ZNF384: variants seen among roughly 807,000 people sequenced by gnomAD.
ZNF384 encodes the protein zinc finger protein 384.
ZNF384 carries 20 observed loss-of-function variants against 65.0 expected under a neutral mutation model. The ratio of observed to expected loss-of-function variants is 0.31; its 90% CI spans 0.22 to 0.45. ZNF384 has a LOEUF of 0.45. Ranked by LOEUF, ZNF384 falls within the 20% of genes least tolerant of loss-of-function variation. The pLI is 1.00. For synonymous variants in ZNF384, 310 were observed against 303.9 expected (o/e 1.02, Z -0.21); for missense variants, 549 against 769.4 (o/e 0.71, Z 3.39).
rs1163698093 is a variant in ZNF384 at position 6,672,705 on chromosome 12, T to C, written c.1005-173A>G. Among the ~76,000 whole-genome samples the C allele has an allele frequency of 1.3e-5, 2 of 152,058 alleles. No homozygotes were observed. The highest frequency in any genetic ancestry group is 2.4e-5 in the African/African-American group (1 of 41,414). The stretch of plus-strand genomic sequence containing the variant: ...AATGAAGAGGACACCCAGATCTAGG[T>C]TGTTGCTGATCGTAAGTCGGTGGCT... On this transcript the variant is annotated intron_variant, in intron 8 of 11. Transcript: ENST00000683879. This position sits in a 1 kb window ranked among gnomAD's most constrained non-coding sequence, Gnocchi z 4.4.
At chr12:6,681,494 T>C (rs1363346760) in intron 2 of ZNF384, among the ~76,000 whole-genome samples, 1 of 152,166 alleles carries the variant, frequency 6.6e-6, no homozygotes, top group Non-Finnish European at 1.5e-5. Context: ...TACACAGTAT[T>C]ACCAGGCTGC....
intron 3 of ZNF384, 24 bp from the exon 4 acceptor site, chr12:6,679,207 G>A: frequency 6.5e-7 from 1 of 1,544,758 alleles, no homozygotes; most frequent in Non-Finnish European, 8.8e-7. Flanking sequence ...AAGGGGACGG[G>A]AGCACCCTCT....
Position 6,672,555 on chromosome 12 carries a change from A to AG in ZNF384, c.1005-24dup, listed in dbSNP as rs1303044165. 4 of 1,610,432 alleles carry AG rather than the reference A, an allele frequency of 2.5e-6. No homozygotes were observed. The highest frequency in any genetic ancestry group is 3.4e-6 in the Non-Finnish European group (4 of 1,177,654). The stretch of plus-strand genomic sequence containing the variant: ...ATCCTGCCGGAGAGGAGAGGAGGGA[A>AG]GGGGGGAGGAGGAAGCAGTTCGACA... On this transcript the variant is annotated intron_variant, in intron 8 of 11. Coordinates refer to ENST00000683879, the MANE Select transcript of ZNF384 (RefSeq NM_001385745.1). The surrounding 1 kb of genome is among the most constrained non-coding windows in gnomAD (Gnocchi z 4.4).
chr12:6,687,476 C>T (rs968082604), intron 2 of ZNF384, among the ~76,000 whole-genome samples: 3 of 152,114 alleles, frequency 2.0e-5, no homozygotes, highest in Non-Finnish European at 4.4e-5. Flanking sequence ...GCTCAGAAAC[C>T]CACAGGGCAT....
Position 6,671,658 on chromosome 12 carries a change from G to C in ZNF384, c.1187+692C>G, listed in dbSNP as rs999993456. On this transcript the variant is annotated intron_variant, in intron 9 of 11. Coordinates refer to ENST00000683879, the MANE Select transcript of ZNF384 (RefSeq NM_001385745.1). The stretch of plus-strand genomic sequence containing the variant: ...TCATCACATCCACAAGAAGCCGGGT[G>C]AGACGGTCTATGGCCTGTAAGTCTG... 5.3e-5 allele frequency: 8 copies of C among 152,340 alleles called. No individual in the cohort carries two copies. The East Asian group carries it at 1.3e-3, about 26-fold the overall frequency. The allele number at this position is 152,340 out of a possible 1,614,324, so 9.4% of individuals were successfully genotyped here. A position where few individuals can be genotyped will look rare whatever the true frequency, so the allele number is the denominator to read the frequency against.
intron 2 of ZNF384, among the ~76,000 whole-genome samples, chr12:6,684,283 A>G (rs566827342): frequency 1.6e-4 from 24 of 152,334 alleles, no homozygotes; most frequent in African/African-American, 5.3e-4. Context: ...AAAACCATAT[A>G]ACTGTAGTAC....
chr12:6,669,246 T>G, intron 10 of ZNF384, 57 bp from the exon 11 acceptor site: 1 of 1,517,172 alleles, frequency 6.6e-7, no homozygotes, highest in Non-Finnish European at 8.9e-7. Context: ...TCCTGCCCCC[T>G]TGACCTCGAT....
At position 6,678,676 on chromosome 12, in the gene ZNF384, C is replaced by T; in HGVS notation, c.339G>A (p.Gly113=). The T allele has an allele frequency of 6.2e-7, 1 of 1,613,916 alleles. No individual in the cohort carries two copies. ...VSCSQRWRRE[G]SQSRGPGLVI... is the part of the protein sequence containing the mutation. ...AGTGAGATTTACCCCTTGATTGACT[C>T]CCTTCTCTTCTCCACCTCTGAGAAC... Residue 113 remains glycine (G), a synonymous_variant, in exon 5 of 12, where the codon GGG becomes GGA. Transcript: ENST00000683879. The surrounding 1 kb of genome is among the most constrained non-coding windows in gnomAD (Gnocchi z 4.9).
chr12:6,684,911 A>G (rs1302026529), intron 2 of ZNF384, among the ~76,000 whole-genome samples: 1 of 152,136 alleles, frequency 6.6e-6, no homozygotes, highest in East Asian at 1.9e-4. Flanking sequence ...TTTACCGCTT[A>G]CTCTATCTTT....
chr12:6,679,004 C>T lies in ZNF384; in HGVS notation c.246G>A (p.Ala82=), dbSNP rs139381786. The T allele has an allele frequency of 2.7e-5, 43 of 1,613,880 alleles. No individual in the cohort carries two copies. Among genetic ancestry groups the T allele is most frequent in the African/African-American group, 2.4e-4 (18 of 74,850 alleles). Residue 82 remains alanine, a synonymous_variant, in exon 4 of 12, where the codon GCG becomes GCA. Transcript: ENST00000683879. Reference sequence around the variant, plus strand: ...CCACCGTGATATTCTGGGTAACGGACGCTTGGCTGTGTGGGGTCAGCTGGT... The same window carrying T: ...CCACCGTGATATTCTGGGTAACGGATGCTTGGCTGTGTGGGGTCAGCTGGT... ...KSDQLTPHSQ[A]SVTQNITVVP...
chr12:6,684,994 G>GC (rs1289075588), intron 2 of ZNF384, among the ~76,000 whole-genome samples: 1 of 152,088 alleles, frequency 6.6e-6, no homozygotes, highest in African/African-American at 2.4e-5. Context: ...ACCCAAAGAA[G>GC]CCCACTGATG....
At chr12:6,668,283 T>C (rs962902055) in intron 11 of ZNF384, among the ~76,000 whole-genome samples, 168 bp from the exon 12 acceptor site, 2 of 152,046 alleles carry the variant, frequency 1.3e-5, no homozygotes, top group East Asian at 1.9e-4. Flanking sequence ...GGCTCACTAC[T>C]GAGAAAAAAA....
At chr12:6,681,750 C>A (rs1592407617) in intron 2 of ZNF384, among the ~76,000 whole-genome samples, 1 of 151,962 alleles carries the variant, frequency 6.6e-6, no homozygotes, top group Non-Finnish European at 1.5e-5. Context: ...TTTTTTTGTT[C>A]TATTAAACAG....
At position 6,672,822 on chromosome 12, in the gene ZNF384, G is replaced by T. The variant is rs1340072640; in HGVS notation, c.1005-290C>A. 6.6e-6 allele frequency among the ~76,000 whole-genome samples: 1 copy of T among 152,060 alleles called. No individual in the cohort carries two copies. The highest frequency in any genetic ancestry group is 2.4e-5 in the African/African-American group (1 of 41,378). ...CATCAACCCTCCGCTTTCTCCTAAG[G>T]TTAACACACTCACCACAGACACCCT... On this transcript the variant is annotated intron_variant, in intron 8 of 11. Coordinates refer to ENST00000683879, the MANE Select transcript of ZNF384 (RefSeq NM_001385745.1). The surrounding 1 kb of genome is among the most constrained non-coding windows in gnomAD (Gnocchi z 4.4).
Position 6,673,181 on chromosome 12 carries a change from G to A in ZNF384, c.1004+35C>T, listed in dbSNP as rs368209194. On this transcript the variant is annotated intron_variant, in intron 8 of 11. Coordinates refer to ENST00000683879, the MANE Select transcript of ZNF384 (RefSeq NM_001385745.1). The surrounding 1 kb of genome is among the most constrained non-coding windows in gnomAD (Gnocchi z 4.7). Reference sequence around the variant, plus strand: ...CAGGCAACATGGTCTTAGGGTTCACGGCCAGGTGGTGGGGTAAACCAAGAG... The same window carrying A: ...CAGGCAACATGGTCTTAGGGTTCACAGCCAGGTGGTGGGGTAAACCAAGAG... 6.9e-4 allele frequency: 1,108 copies of A among 1,595,142 alleles called. No homozygotes were observed. The highest frequency in any genetic ancestry group is 8.7e-4 in the Non-Finnish European group (1,014 of 1,165,312).
At chr12:6,683,357 G>C (rs1016278158) in intron 2 of ZNF384, among the ~76,000 whole-genome samples, 3 of 150,680 alleles carry the variant, frequency 2.0e-5, no homozygotes, top group Non-Finnish European at 4.4e-5. Context: ...ACGAAAGAAA[G>C]GGCCAATGTA....
In ZNF384 at chr12:6,678,304, G is replaced by A. The variant is rs1156248906; in HGVS notation, c.509C>T (p.Ser170Leu). ...TCCGCCTCCTTCCTCGGTTAGGGTC[G>A]ATGCTACCTTCTTGGAGAGGTCAGG... Reference protein sequence around the residue: ...VVPDLSKKVASTLTEEGGGGG... With the variant: ...VVPDLSKKVALTLTEEGGGGG... Residue 170 changes from serine to leucine, a missense_variant, in exon 6 of 12, where the codon TCG (serine) becomes TTG (leucine). Around this residue, in one of 5 missense-constraint regions of ZNF384, gnomAD observed 277 missense variants for 337.2 expected, o/e 0.82. Coordinates refer to ENST00000683879, the MANE Select transcript of ZNF384 (RefSeq NM_001385745.1). This position sits in a 1 kb window ranked among gnomAD's most constrained non-coding sequence, Gnocchi z 4.9. 6 of 1,614,108 alleles carry A rather than the reference G, an allele frequency of 3.7e-6. No individual in the cohort carries two copies. Among genetic ancestry groups the A allele is most frequent in the Admixed American group, 1.7e-5 (1 of 60,008 alleles).
rs78626571 is a variant in ZNF384 at position 6,684,281 on chromosome 12, A to G, written c.-6+3886T>C. Among the ~76,000 whole-genome samples, 1,284 of 152,340 alleles carry G rather than the reference A, an allele frequency of 8.4e-3. 19 individuals are homozygous for G. Among genetic ancestry groups the G allele is most frequent in the African/African-American group, 0.029 (1,201 of 41,580 alleles). Reference sequence around the variant, plus strand: ...GGGTTCTACAAGGAACCAAAACCATATAACTGTAGTACACACTTTCTGATG... The same window carrying G: ...GGGTTCTACAAGGAACCAAAACCATGTAACTGTAGTACACACTTTCTGATG... On this transcript the variant is annotated intron_variant, in intron 2 of 11. Transcript: ENST00000683879.
chr12:6,672,960 T>C lies in ZNF384; in HGVS notation c.1004+256A>G, dbSNP rs947219247. On this transcript the variant is annotated intron_variant, in intron 8 of 11. Coordinates refer to ENST00000683879, the MANE Select transcript of ZNF384 (RefSeq NM_001385745.1). This position sits in a 1 kb window ranked among gnomAD's most constrained non-coding sequence, Gnocchi z 4.4. Reference sequence around the variant, plus strand: ...GCATATAGTAAAAGCAGGCCTGCTCTGCAGAAGATTTCCAAACACAGACAC... The same window carrying C: ...GCATATAGTAAAAGCAGGCCTGCTCCGCAGAAGATTTCCAAACACAGACAC... The C allele has an allele frequency of 5.8e-6, 3 of 521,672 alleles. No individual in the cohort carries two copies. Among genetic ancestry groups the C allele is most frequent in the South Asian group, 2.2e-5 (1 of 45,766 alleles). 32.3% of individuals were successfully genotyped at this position (521,672 alleles called of 1,614,324 possible). A position where few individuals can be genotyped will look rare whatever the true frequency, so the allele number is the denominator to read the frequency against.
Sources: allele counts gnomAD v4.1 joint callset (sites outside exome capture counted in the v4.1 genomes callset), GRCh38; gene constraint gnomAD v4.1.1; regional missense constraint gnomAD v4.1.1; non-coding constraint Gnocchi (gnomAD v3.1); transcripts MANE v1.5; gene names NCBI Gene and HGNC (gene_info 2026-07-23, HGNC 2026-07-21).